SH3PXD2B: variants seen among roughly 807,000 people sequenced by gnomAD.
SH3PXD2B encodes the protein SH3 and PX domain-containing protein 2B.
In SH3PXD2B, 37 loss-of-function variants were observed where a neutral mutation model predicts 73.1. The observed-to-expected ratio is 0.51, with a 90% CI of 0.39 to 0.67. SH3PXD2B has a LOEUF of 0.67. Among genes scored for constraint, SH3PXD2B ranks in the 30% least tolerant of loss-of-function variants. The pLI, the probability that SH3PXD2B is intolerant of heterozygous loss-of-function variation, is 0.00. For synonymous variants in SH3PXD2B, 457 were observed against 480.5 expected, an observed-to-expected ratio of 0.95 and a Z score of 0.64; for missense variants, 1,053 against 1,197.8, an observed-to-expected ratio of 0.88 and a Z score of 1.78.
chr5:172,370,859 T>C (rs547415222), intron 6 of SH3PXD2B, among the ~76,000 whole-genome samples: 2 of 152,340 alleles, frequency 1.3e-5, no homozygotes, highest in Non-Finnish European at 2.9e-5. Context: ...TGGAGCGTGA[T>C]ATTGCAGCCA....
chr5:172,347,286 G>T lies in SH3PXD2B; in HGVS notation c.1059C>A (p.Thr353=). The T allele has an allele frequency of 6.2e-7, 1 of 1,614,090 alleles. No individual in the cohort carries two copies. The highest frequency in any genetic ancestry group is 1.1e-5 in the South Asian group (1 of 91,068). ...CCAGTAGCGAGGATCCACTTACAAT[G>T]GTCATGTCCCGGCGAGGAGGGGGTC... ...RQRPPPRRDM[T]IPRGLNLPKP... The change falls in exon 11 of 13, where the codon ACC becomes ACA. Residue 353 remains threonine, a synonymous_variant. Transcript: ENST00000311601.
intron 10 of SH3PXD2B, among the ~76,000 whole-genome samples, chr5:172,348,039 G>C (rs1162210091): frequency 6.6e-6 from 1 of 152,220 alleles, no homozygotes; most frequent in Non-Finnish European, 1.5e-5. Context: ...GGTCCATACA[G>C]AAGGGTAGTT....
At chr5:172,393,701 G>A (rs1044075962) in intron 4 of SH3PXD2B, among the ~76,000 whole-genome samples, 7 of 152,122 alleles carry the variant, frequency 4.6e-5, no homozygotes, top group African/African-American at 1.7e-4. Context: ...CATCAGAATC[G>A]CTAGTGATTT....
intron 10 of SH3PXD2B, among the ~76,000 whole-genome samples, chr5:172,348,058 G>T (rs1216658679): frequency 6.6e-6 from 1 of 152,180 alleles, no homozygotes. Flanking sequence ...TTTGGCGTTG[G>T]GGTGCGGAGG....
chr5:172,432,145 C>A (rs1181355480), intron 1 of SH3PXD2B, among the ~76,000 whole-genome samples: 1 of 152,160 alleles, frequency 6.6e-6, no homozygotes, highest in Non-Finnish European at 1.5e-5. Flanking sequence ...TGCCCTCCAG[C>A]CTGGACAACA....
chr5:172,329,658 C>T (rs1047873797), downstream of SH3PXD2B, among the ~76,000 whole-genome samples: 3 of 151,622 alleles, frequency 2.0e-5, no homozygotes, highest in African/African-American at 4.9e-5. Context: ...CTGCCTCAGC[C>T]TCTCAAGTAG....
intron 3 of SH3PXD2B, 62 bp downstream of exon 3, chr5:172,406,215 G>A (rs1296792905): frequency 9.7e-6 from 15 of 1,548,770 alleles, no homozygotes; most frequent in African/African-American, 2.7e-5. Context: ...ACTGTCCCAA[G>A]GGCTCTGGGA....
At chr5:172,436,030 G>C (rs1759378714) in intron 1 of SH3PXD2B, among the ~76,000 whole-genome samples, 1 of 152,238 alleles carries the variant, frequency 6.6e-6, no homozygotes, top group Non-Finnish European at 1.5e-5. Context: ...AATGAAGATA[G>C]GGAGGTGCTG....
intron 3 of SH3PXD2B, among the ~76,000 whole-genome samples, chr5:172,401,236 C>T (rs1041557300): frequency 2.0e-5 from 3 of 152,174 alleles, no homozygotes; most frequent in Admixed American, 6.5e-5. Flanking sequence ...TGTATCACCC[C>T]GTATTCCTAC....
chr5:172,389,379 A>G (rs936753513), intron 4 of SH3PXD2B, among the ~76,000 whole-genome samples: 2 of 151,994 alleles, frequency 1.3e-5, no homozygotes, highest in Admixed American at 1.3e-4. Context: ...CTTAGAGGCC[A>G]TAAGTGGTAT....
At chr5:172,361,881 C>T (rs2113319942) in intron 7 of SH3PXD2B, among the ~76,000 whole-genome samples, 1 of 152,306 alleles carries the variant, frequency 6.6e-6, no homozygotes, top group Admixed American at 6.5e-5. Context: ...TGGACCTCAA[C>T]TCGCCATTGG....
At chr5:172,454,025 C>T (rs906759411) in intron 1 of SH3PXD2B, among the ~76,000 whole-genome samples, 2 of 148,108 alleles carry the variant, frequency 1.4e-5, no homozygotes, top group African/African-American at 5.0e-5. Context: ...GTAGAGGAGC[C>T]GCAGGGAGGC....
chr5:172,451,663 C>G (rs937009069), intron 1 of SH3PXD2B, among the ~76,000 whole-genome samples: 1 of 152,244 alleles, frequency 6.6e-6, no homozygotes, highest in African/African-American at 2.4e-5. Context: ...AACTCCCCAG[C>G]TGATGCTGTC....
intron 2 of SH3PXD2B, among the ~76,000 whole-genome samples, chr5:172,407,448 T>C (rs1294497366): frequency 1.3e-5 from 2 of 152,242 alleles, no homozygotes; most frequent in African/African-American, 4.8e-5. Flanking sequence ...AAGACCCCAG[T>C]GACCTCTGCT....
At chr5:172,448,373 CAG>C (rs1759721497) in intron 1 of SH3PXD2B, among the ~76,000 whole-genome samples, 2 of 152,282 alleles carry the variant, frequency 1.3e-5, no homozygotes, top group African/African-American at 4.8e-5. Flanking sequence ...TTTTTGCCGA[CAG>C]AGTCTCCCTT....
rs114776395 is a variant in SH3PXD2B at position 172,385,164 on chromosome 5, T to A, written c.310-3037A>T. Among the ~76,000 whole-genome samples, 938 of 152,228 alleles carry A rather than the reference T, an allele frequency of 6.2e-3. 2 individuals are homozygous for A. The highest frequency in any genetic ancestry group is 0.02 in the African/African-American group (827 of 41,540). On this transcript the variant is annotated intron_variant, in intron 4 of 12. Transcript: ENST00000311601. ...TGCTCCCCCCTCCCCATGGGCCTCTTTTTCCTCTGAAATCCTGCAGCCCTT... is the reference window on the plus strand; with the variant it reads ...TGCTCCCCCCTCCCCATGGGCCTCTATTTCCTCTGAAATCCTGCAGCCCTT...
chr5:172,429,185 C>G (rs1759171741), intron 1 of SH3PXD2B, among the ~76,000 whole-genome samples: 2 of 152,220 alleles, frequency 1.3e-5, no homozygotes, highest in African/African-American at 4.8e-5. Context: ...CAAGCCCTCA[C>G]AGAGAGGAGT....
intron 6 of SH3PXD2B, among the ~76,000 whole-genome samples, chr5:172,369,797 C>A (rs1581282038): frequency 1.3e-5 from 2 of 151,370 alleles, no homozygotes; most frequent in African/African-American, 4.9e-5. Flanking sequence ...AAAAAAACCC[C>A]AACCCCTCCC....
At chr5:172,433,957 G>T (rs1393747917) in intron 1 of SH3PXD2B, among the ~76,000 whole-genome samples, 1 of 152,166 alleles carries the variant, frequency 6.6e-6, no homozygotes, top group Non-Finnish European at 1.5e-5. Flanking sequence ...CCAGTGTCCA[G>T]AGGGCCCCCA....
Sources: allele counts gnomAD v4.1 joint callset (sites outside exome capture counted in the v4.1 genomes callset), GRCh38; gene constraint gnomAD v4.1.1; transcripts MANE v1.5; gene names NCBI Gene and HGNC (gene_info 2026-07-23, HGNC 2026-07-21).